UBE3B: variants seen among roughly 807,000 people sequenced by gnomAD.
The protein encoded by UBE3B is ubiquitin protein ligase E3B.
A neutral mutation model predicts 132.3 loss-of-function variants in UBE3B; 80 were observed. The observed-to-expected ratio is 0.60, with a 90% CI of 0.50 to 0.73. The LOEUF is 0.73. Among genes scored for constraint, UBE3B ranks in the 30% least tolerant of loss-of-function variants. The probability of loss-of-function intolerance (pLI) is 0.00; values close to 1 mark genes in which losing one functional copy is unlikely to be tolerated. For missense variants in UBE3B, 1,196 were observed against 1,362.5 expected, an observed-to-expected ratio of 0.88 and a Z score of 1.92; for synonymous variants, 487 against 520.4, an observed-to-expected ratio of 0.94 and a Z score of 0.87.
At chr12:109,527,573 T>C (rs964176715) in intron 24 of UBE3B, among the ~76,000 whole-genome samples, 6 of 152,232 alleles carry the variant, frequency 3.9e-5, no homozygotes, top group Non-Finnish European at 8.8e-5. Context: ...CTTTTTTATT[T>C]AGACTGTCAG....
At chr12:109,538,044 G>T (rs1216950304), downstream of UBE3B, among the ~76,000 whole-genome samples, 1 of 152,184 alleles carries the variant, frequency 6.6e-6, no homozygotes, top group African/African-American at 2.4e-5. This position sits in a 1 kb window ranked among gnomAD's most constrained non-coding sequence, Gnocchi z 4.1. Flanking sequence ...CAAAGAGAAA[G>T]GATGTCTTTA....
In UBE3B at chr12:109,529,966, G is replaced by A. The variant is rs759845242; in HGVS notation, c.2704G>A (p.Gly902Arg). ...AAACCAAACAGCTGCCCTCATTAGC[G>A]GATTCCGTTCCATTATCAAACCCGA... ...IKNQTAALIS[G>R]FRSIIKPEWI... The change falls in exon 25 of 28, where the codon GGA becomes AGA. Residue 902 changes from glycine to arginine, a missense_variant. Physicochemically the swap from Gly to Arg is moderately radical, Grantham distance 125. Transcript: ENST00000342494. 1.1e-5 allele frequency: 18 copies of A among 1,614,010 alleles called. No homozygotes were observed. In the East Asian group the frequency reaches 1.3e-4, roughly 12 times the overall value.
intron 23 of UBE3B, among the ~76,000 whole-genome samples, chr12:109,525,377 G>T (rs773851994): frequency 6.6e-6 from 1 of 152,178 alleles, no homozygotes; most frequent in South Asian, 2.1e-4. Flanking sequence ...ATGCTGTCTC[G>T]CAGGATCGTT....
chr12:109,527,303 G>A (rs1035790077), intron 24 of UBE3B, among the ~76,000 whole-genome samples: 6 of 152,106 alleles, frequency 3.9e-5, no homozygotes, highest in Admixed American at 1.3e-4. Flanking sequence ...GTCTCCACTC[G>A]GCCCTATTGT....
chr12:109,542,364 A>G, the UBE3B span, among the ~76,000 whole-genome samples: 8 of 152,214 alleles, frequency 5.3e-5, no homozygotes, highest in Non-Finnish European at 7.3e-5. Flanking sequence ...TAGAAATAAT[A>G]ATAGTCATAA....
chr12:109,543,064 G>A, the UBE3B span, among the ~76,000 whole-genome samples: 1 of 152,188 alleles, frequency 6.6e-6, no homozygotes, highest in Non-Finnish European at 1.5e-5. Context: ...ATGTGGCCAG[G>A]CTCCCCACTT....
chr12:109,491,036 T>C lies in UBE3B; in HGVS notation c.631-9T>C. 1 of 1,613,000 alleles carries C rather than the reference T, an allele frequency of 6.2e-7. No individual in the cohort carries two copies. Among genetic ancestry groups the C allele is most frequent in the Non-Finnish European group, 8.5e-7 (1 of 1,179,288 alleles). On this transcript the variant is annotated splice_polypyrimidine_tract_variant and intron_variant, in intron 8 of 27. Coordinates refer to ENST00000342494, the MANE Select transcript of UBE3B (RefSeq NM_130466.4). ...ATCATCCTCTGACCAATTAAAACAT[T>C]CTTTTCAGATATTGTTAACCCGTGG...
the UBE3B span, among the ~76,000 whole-genome samples, chr12:109,543,155 A>T: frequency 2.6e-5 from 4 of 152,226 alleles, no homozygotes; most frequent in African/African-American, 9.6e-5. Flanking sequence ...CTGAAACACC[A>T]CTGTTCAGGC....
At chr12:109,525,358 A>C (rs1882218010) in intron 23 of UBE3B, among the ~76,000 whole-genome samples, 1 of 152,208 alleles carries the variant, frequency 6.6e-6, no homozygotes, top group African/African-American at 2.4e-5. Context: ...TCTTTGAAGG[A>C]AGGAAAGAAT....
At chr12:109,488,749 C>G in intron 7 of UBE3B, 81 bp downstream of exon 7, 1 of 1,370,064 alleles carries the variant, frequency 7.3e-7, no homozygotes, top group Non-Finnish European at 1.0e-6. Flanking sequence ...TTGTAAGAAG[C>G]ATTTTTGCCA....
Position 109,534,245 on chromosome 12 carries a change from G to A in UBE3B, c.3016-346G>A. 7.9e-7 allele frequency: 1 copy of A among 1,270,372 alleles called. No homozygotes were observed. Among genetic ancestry groups the A allele is most frequent in the Non-Finnish European group, 1.0e-6 (1 of 995,472 alleles). 78.7% of individuals were successfully genotyped at this position (1,270,372 alleles called of 1,614,324 possible). A position where few individuals can be genotyped will look rare whatever the true frequency, so the allele number is the denominator to read the frequency against. ...GGCCACAGCACCGGTGAGGAGGGAGGAGTGCATTCAGAAATGTTTGGGCAC... is the reference window on the plus strand; with the variant it reads ...GGCCACAGCACCGGTGAGGAGGGAGAAGTGCATTCAGAAATGTTTGGGCAC... On this transcript the variant is annotated intron_variant, in intron 27 of 27. Coordinates refer to ENST00000342494, the MANE Select transcript of UBE3B (RefSeq NM_130466.4). This position sits in a 1 kb window ranked among gnomAD's most constrained non-coding sequence, Gnocchi z 5.2.
chr12:109,524,937 C>A (rs552611161), intron 23 of UBE3B, among the ~76,000 whole-genome samples: 3 of 152,104 alleles, frequency 2.0e-5, no homozygotes, highest in East Asian at 3.9e-4. Context: ...CTCAGGGCCG[C>A]AGCACGTCTC....
At chr12:109,480,370 C>T (rs1424296326) in intron 1 of UBE3B, among the ~76,000 whole-genome samples, 1 of 151,978 alleles carries the variant, frequency 6.6e-6, no homozygotes, top group African/African-American at 2.4e-5. Context: ...ACTCAGGGCC[C>T]AGTGTGGTGG....
At chr12:109,532,547 G>A (rs1011266958) in intron 26 of UBE3B, among the ~76,000 whole-genome samples, 7 of 152,200 alleles carry the variant, frequency 4.6e-5, no homozygotes, top group Admixed American at 2.6e-4. Context: ...CCCTAGAGAA[G>A]GGAGAACATT....
At chr12:109,507,070 A>G (rs1566093571) in intron 14 of UBE3B, among the ~76,000 whole-genome samples, 1 of 152,156 alleles carries the variant, frequency 6.6e-6, no homozygotes, top group African/African-American at 2.4e-5. Context: ...TTTTTTGCTC[A>G]GACTTGGCTA....
intron 6 of UBE3B, 21 bp downstream of exon 6, chr12:109,486,596 A>AAAAAAAAC: frequency 6.9e-7 from 1 of 1,445,040 alleles, no homozygotes. Flanking sequence ...AAAAAAAAAA[A>AAAAAAAAC]AAAAAAAGCA....
chr12:109,484,187 A>G (rs1026058228), intron 4 of UBE3B, among the ~76,000 whole-genome samples: 2 of 152,250 alleles, frequency 1.3e-5, no homozygotes, highest in African/African-American at 2.4e-5. Context: ...TATAAGCACA[A>G]GTTGAACTCA....
chr12:109,525,622 G>A (rs1174419108), intron 23 of UBE3B, among the ~76,000 whole-genome samples: 1 of 152,124 alleles, frequency 6.6e-6, no homozygotes, highest in Admixed American at 6.5e-5. Context: ...GGTGATCCAC[G>A]GAAGTGTTCT....
chr12:109,490,983 T>A, intron 8 of UBE3B, 62 bp from the exon 9 acceptor site: 1 of 1,565,340 alleles, frequency 6.4e-7, no homozygotes. Context: ...TTTTTGCTCT[T>A]TTATGTACAA....
Sources: allele counts gnomAD v4.1 joint callset (sites outside exome capture counted in the v4.1 genomes callset), GRCh38; gene constraint gnomAD v4.1.1; non-coding constraint Gnocchi (gnomAD v3.1); transcripts MANE v1.5; gene names NCBI Gene and HGNC (gene_info 2026-07-23, HGNC 2026-07-21).